Variants in SDK2 observed in about 807,000 individuals in gnomAD.
SDK2 encodes sidekick cell adhesion molecule 2.
A neutral mutation model predicts 253.9 loss-of-function variants in SDK2; 105 were observed. That is an observed-to-expected ratio of 0.41 (90% CI 0.35 to 0.49). SDK2 has a LOEUF of 0.49. Among genes scored for constraint, SDK2 ranks in the 20% least tolerant of loss-of-function variants. SDK2 has a pLI of 0.06. For missense variants in SDK2, 2,608 were observed against 3,003.0 expected (o/e 0.87, Z 3.07); for synonymous variants, 1,249 against 1,234.9 (o/e 1.01, Z -0.24).
chr17:73,510,678 G>A (rs945184150), intron 1 of SDK2, among the ~76,000 whole-genome samples: 3 of 152,100 alleles, frequency 2.0e-5, no homozygotes, highest in African/African-American at 7.2e-5. Flanking sequence ...ATTTTTAGTA[G>A]AGATGGGGTT....
At chr17:73,346,486 C>T (rs566548758) in intron 44 of SDK2, among the ~76,000 whole-genome samples, 1 of 151,646 alleles carries the variant, frequency 6.6e-6, no homozygotes, top group Non-Finnish European at 1.5e-5. Context: ...TGTTAAAGTT[C>T]CATCAAACAG....
rs199978735 is a variant in SDK2, at chr17:73,435,528, C to T, written c.1117G>A (p.Asp373Asn). The T allele has an allele frequency of 1.4e-4, 224 of 1,599,270 alleles. 3 individuals are homozygous for T. The South Asian group carries it at 1.5e-3, about 11-fold the overall frequency. ...GGLQISGLVP[D>N]DTGMFQCFAR... ...AAGCACTGGAACATGCCGGTATCAT[C>T]GGGCACCAGGCCGCTGATCTGCAGG... The change falls in exon 9 of 45, where the codon GAT becomes AAT. Residue 373 changes from aspartate (D) to asparagine (N), a missense_variant. Asp to Asn is a conservative substitution (Grantham distance 23). Coordinates refer to ENST00000392650, the MANE Select transcript of SDK2 (RefSeq NM_001144952.2). This position sits in a 1 kb window ranked among gnomAD's most constrained non-coding sequence, Gnocchi z 5.7.
At chr17:73,545,190 C>T (rs886425558) in intron 1 of SDK2, among the ~76,000 whole-genome samples, 2 of 151,280 alleles carry the variant, frequency 1.3e-5, no homozygotes, top group African/African-American at 4.9e-5. Flanking sequence ...TGTTGGGGTT[C>T]CCCTCCCCTG....
At chr17:73,387,715 A>T in intron 30 of SDK2, 121 bp downstream of exon 30, 1 of 857,102 alleles carries the variant, frequency 1.2e-6, no homozygotes, top group Non-Finnish European at 1.8e-6. Flanking sequence ...TGGTGCATGT[A>T]GGAGGAGAGC....
Position 73,583,053 on chromosome 17 carries a change from G to A in SDK2, c.64+60972C>T, listed in dbSNP as rs9889652. Among the ~76,000 whole-genome samples the A allele has an allele frequency of 5.9e-3, 893 of 152,262 alleles. 10 individuals are homozygous for A. Among genetic ancestry groups the A allele is most frequent in the African/African-American group, 0.019 (779 of 41,560 alleles). The stretch of plus-strand genomic sequence containing the variant: ...TGCCTCTTTGCATACCAACTCCTAT[G>A]CATCCTTTAGGGGTCAGTTGAAATG... On this transcript the variant is annotated intron_variant, in intron 1 of 44. Coordinates refer to ENST00000392650, the MANE Select transcript of SDK2 (RefSeq NM_001144952.2).
chr17:73,351,190 A>G lies in SDK2; in HGVS notation c.5759-400T>C, dbSNP rs557795879. Among the ~76,000 whole-genome samples, 34 of 151,188 alleles carry G rather than the reference A, an allele frequency of 2.2e-4. 1 individual carries two copies. The highest frequency in any genetic ancestry group is 7.3e-4 in the African/African-American group (30 of 41,098). On this transcript the variant is annotated intron_variant, in intron 41 of 44. Transcript: ENST00000392650. The stretch of plus-strand genomic sequence containing the variant: ...AATGGCATGATCTTGACTCACTGCA[A>G]CCTCCACTTCCCGGGTTCAAGCAAT...
At chr17:73,507,223 C>A (rs1429444327) in intron 2 of SDK2, among the ~76,000 whole-genome samples, 1 of 152,212 alleles carries the variant, frequency 6.6e-6, no homozygotes, top group African/African-American at 2.4e-5. Context: ...CAGCGCTGGC[C>A]CCTGGTCCAC....
At chr17:73,515,699 C>A (rs1280332264) in intron 1 of SDK2, among the ~76,000 whole-genome samples, 1 of 152,214 alleles carries the variant, frequency 6.6e-6, no homozygotes, top group Non-Finnish European at 1.5e-5. Flanking sequence ...GCTGGGGGAC[C>A]CCACCCTGCA....
In SDK2 at chr17:73,616,321, C is replaced by T. The variant is rs2046056517; in HGVS notation, c.64+27704G>A. 6.6e-6 allele frequency among the ~76,000 whole-genome samples: 1 copy of T among 152,074 alleles called. No homozygotes were observed. ...TAGACAAATTTCCACCCCCGGCTCCCCACCTCAACAGTCTCCCCAGCCCCA... is the reference window on the plus strand; with the variant it reads ...TAGACAAATTTCCACCCCCGGCTCCTCACCTCAACAGTCTCCCCAGCCCCA... On this transcript the variant is annotated intron_variant, in intron 1 of 44. Coordinates refer to ENST00000392650, the MANE Select transcript of SDK2 (RefSeq NM_001144952.2). The surrounding 1 kb of genome is among the most constrained non-coding windows in gnomAD (Gnocchi z 5.2).
chr17:73,390,095 G>A (rs1172228075), intron 29 of SDK2, among the ~76,000 whole-genome samples, 192 bp downstream of exon 29: 2 of 152,226 alleles, frequency 1.3e-5, no homozygotes, highest in African/African-American at 4.8e-5. Flanking sequence ...GTCCTTGGGT[G>A]TGAACTTGCG....
intron 8 of SDK2, among the ~76,000 whole-genome samples, chr17:73,436,645 C>A (rs1254159983): frequency 6.6e-6 from 1 of 151,544 alleles, no homozygotes; most frequent in Non-Finnish European, 1.5e-5. Flanking sequence ...CCAAGGAGCA[C>A]CCCACGGCCC....
rs1053724739 is a variant in SDK2, at chr17:73,571,051, G to A, written c.65-63454C>T. Among the ~76,000 whole-genome samples, 3 of 149,698 alleles carry A rather than the reference G, an allele frequency of 2.0e-5. No individual in the cohort carries two copies. The East Asian group carries it at 5.9e-4, about 29-fold the overall frequency. On this transcript the variant is annotated intron_variant, in intron 1 of 44. Coordinates refer to ENST00000392650, the MANE Select transcript of SDK2 (RefSeq NM_001144952.2). ...GCCAGCAGGAGTTTGCTGGGAAGTG[G>A]CTGCAGGAGGTGGCTCGGGTTTTTT...
Position 73,402,052 on chromosome 17 carries a change from C to T in SDK2, c.2574G>A (p.Val858=). ...NFQDSIHVGF[V]SGLKKFTEYF... ...ACTCGGTGAACTTCTTCAGGCCAGA[C>T]ACGAAGCCCACGTGGATGCTGTCTT... is the stretch of plus-strand genomic sequence containing the variant. The change falls in exon 19 of 45, where the codon GTG becomes GTA. Residue 858 remains valine, a synonymous_variant. Transcript: ENST00000392650. The T allele has an allele frequency of 1.2e-6, 2 of 1,614,036 alleles. No individual in the cohort carries two copies. Among genetic ancestry groups the T allele is most frequent in the East Asian group, 2.2e-5 (1 of 44,882 alleles).
rs973971121 is a variant in SDK2 at position 73,443,663 on chromosome 17, C to T, written c.614-2740G>A. ...GGCCCAGGTGGCAGCCTGCAGGGCT[C>T]GATGGGGGCTGAGGTGGCCAGGGAT... is the stretch of plus-strand genomic sequence containing the variant. On this transcript the variant is annotated intron_variant, in intron 5 of 44. Transcript: ENST00000392650. The surrounding 1 kb of genome is among the most constrained non-coding windows in gnomAD (Gnocchi z 4.6). Among the ~76,000 whole-genome samples, 2 of 152,168 alleles carry T rather than the reference C, an allele frequency of 1.3e-5. No individual in the cohort carries two copies. The highest frequency in any genetic ancestry group is 2.9e-5 in the Non-Finnish European group (2 of 68,042).
intron 34 of SDK2, among the ~76,000 whole-genome samples, chr17:73,380,278 G>A (rs1444584525): frequency 2.6e-5 from 4 of 152,152 alleles, no homozygotes; most frequent in East Asian, 1.9e-4. Context: ...ATTGGTTGAC[G>A]GAGGAAGGAG....
rs905602989 is a variant in SDK2, at chr17:73,443,190, A to G, written c.614-2267T>C. The stretch of plus-strand genomic sequence containing the variant: ...CACTGCCCCTCTGGGCCACCTTGTC[A>G]GCCCTGGGCAGGTTTTCCTTCCTTG... On this transcript the variant is annotated intron_variant, in intron 5 of 44. Coordinates refer to ENST00000392650, the MANE Select transcript of SDK2 (RefSeq NM_001144952.2). The surrounding 1 kb of genome is among the most constrained non-coding windows in gnomAD (Gnocchi z 4.6). Among the ~76,000 whole-genome samples the G allele has an allele frequency of 6.6e-6, 1 of 152,194 alleles. No homozygotes were observed. The highest frequency in any genetic ancestry group is 2.4e-5 in the African/African-American group (1 of 41,436).
intron 1 of SDK2, among the ~76,000 whole-genome samples, chr17:73,588,990 C>T (rs973458201): frequency 1.3e-5 from 2 of 152,250 alleles, no homozygotes; most frequent in African/African-American, 4.8e-5. Context: ...GGGTTAGGGC[C>T]CCAGAGCAAG....
intron 2 of SDK2, among the ~76,000 whole-genome samples, chr17:73,490,045 T>C (rs915180727): frequency 6.6e-6 from 1 of 152,172 alleles, no homozygotes; most frequent in Non-Finnish European, 1.5e-5. Context: ...CACAGCAGAC[T>C]TCTTACACCA....
chr17:73,379,193 T>A lies in SDK2; in HGVS notation c.4964A>T (p.Asp1655Val), dbSNP rs2062809328. The change falls in exon 36 of 45, where the codon GAC becomes GTC. Residue 1655 changes from aspartate (D) to valine (V), a missense_variant. Coordinates refer to ENST00000392650, the MANE Select transcript of SDK2 (RefSeq NM_001144952.2). The surrounding 1 kb of genome is among the most constrained non-coding windows in gnomAD (Gnocchi z 4.5). ...EPPPLDSQNG[D>V]IQGYKIYFWE... ...GCACCCTACCTTGTACCCCTGGATG[T>A]CTCCATTCTGGCTGTCCAGCGGAGG... 2 of 1,557,354 alleles carry A rather than the reference T, an allele frequency of 1.3e-6. No homozygotes were observed. Among genetic ancestry groups the A allele is most frequent in the Non-Finnish European group, 1.7e-6 (2 of 1,149,988 alleles).
Sources: allele counts gnomAD v4.1 joint callset (sites outside exome capture counted in the v4.1 genomes callset), GRCh38; gene constraint gnomAD v4.1.1; non-coding constraint Gnocchi (gnomAD v3.1); transcripts MANE v1.5; gene names NCBI Gene and HGNC (gene_info 2026-07-23, HGNC 2026-07-21).